Variants in PLA2G4A observed in about 807,000 individuals in gnomAD.
PLA2G4A encodes phospholipase A2 group IVA.
A neutral mutation model predicts 81.9 loss-of-function variants in PLA2G4A; 40 were observed. The observed-to-expected ratio is 0.49, with a 90% CI of 0.38 to 0.64. PLA2G4A has a LOEUF of 0.64. Among genes scored for constraint, PLA2G4A ranks in the 30% least tolerant of loss-of-function variants. The probability of loss-of-function intolerance (pLI) is 0.00; values close to 1 mark genes in which losing one functional copy is unlikely to be tolerated. For synonymous variants in PLA2G4A, 302 were observed against 296.9 expected, an observed-to-expected ratio of 1.02 and a Z score of -0.18; for missense variants, 715 against 905.1, an observed-to-expected ratio of 0.79 and a Z score of 2.69.
intron 2 of PLA2G4A, among the ~76,000 whole-genome samples, chr1:186,869,944 C>T (rs760597336): frequency 6.6e-6 from 1 of 152,182 alleles, no homozygotes; most frequent in South Asian, 2.1e-4. Flanking sequence ...AAATGCATTA[C>T]AATTAGTGCA....
chr1:186,970,216 C>T lies in PLA2G4A; in HGVS notation c.1764+4623C>T, dbSNP rs183161567. Among the ~76,000 whole-genome samples the T allele has an allele frequency of 2.3e-4, 35 of 151,900 alleles. No individual in the cohort carries two copies. The East Asian group carries it at 6.6e-3, about 29-fold the overall frequency. On this transcript the variant is annotated intron_variant, in intron 15 of 17. Coordinates refer to ENST00000367466, the MANE Select transcript of PLA2G4A (RefSeq NM_024420.3). The stretch of plus-strand genomic sequence containing the variant: ...TTGGGCATTTGTATGTCTTCTTTTG[C>T]GAAGTATCTATTCAGATCTTTTGCC...
chr1:186,910,642 C>T (rs1258189893), intron 6 of PLA2G4A, among the ~76,000 whole-genome samples: 4 of 152,066 alleles, frequency 2.6e-5, no homozygotes, highest in South Asian at 4.1e-4. Flanking sequence ...ATTGCTACTG[C>T]CTTCATTAGC....
intron 1 of PLA2G4A, among the ~76,000 whole-genome samples, chr1:186,838,798 T>A (rs1190877635): frequency 6.6e-6 from 1 of 152,166 alleles, no homozygotes; most frequent in Non-Finnish European, 1.5e-5. Context: ...GTTTATAGAC[T>A]TCGAATCATT....
intron 3 of PLA2G4A, among the ~76,000 whole-genome samples, chr1:186,888,302 C>T (rs1654010200): frequency 6.6e-6 from 1 of 151,846 alleles, no homozygotes; most frequent in Non-Finnish European, 1.5e-5. Flanking sequence ...AAAATATGAC[C>T]CATTGAGAAT....
chr1:186,872,129 G>A (rs1653296396), intron 3 of PLA2G4A, among the ~76,000 whole-genome samples: 1 of 152,068 alleles, frequency 6.6e-6, no homozygotes, highest in Non-Finnish European at 1.5e-5. Context: ...AACTAGCTTC[G>A]ATCAGATGTT....
At chr1:186,968,675 T>G (rs1571454633) in intron 15 of PLA2G4A, among the ~76,000 whole-genome samples, 1 of 151,964 alleles carries the variant, frequency 6.6e-6, no homozygotes, top group Admixed American at 6.6e-5. Context: ...ATTGCTATCT[T>G]GCCACCTTTT....
chr1:186,960,847 G>A (rs1004721476), intron 14 of PLA2G4A, among the ~76,000 whole-genome samples: 1 of 152,180 alleles, frequency 6.6e-6, no homozygotes, highest in Non-Finnish European at 1.5e-5. Context: ...ATAGGAAGGA[G>A]AATAGGGAAT....
At chr1:186,829,169 A>G (rs1386936443) in intron 1 of PLA2G4A, 134 bp downstream of exon 1, 1 of 152,256 alleles carries the variant, frequency 6.6e-6, no homozygotes, top group Non-Finnish European at 1.5e-5. Flanking sequence ...TGCTTTAAAA[A>G]GTCAGCATGT....
intron 3 of PLA2G4A, among the ~76,000 whole-genome samples, chr1:186,879,903 A>G (rs891142770): frequency 2.6e-5 from 4 of 151,158 alleles, no homozygotes; most frequent in Admixed American, 1.3e-4. Context: ...GGTTTGTTAC[A>G]TATGTATACA....
chr1:186,949,392 AAG>A (rs747157909), intron 12 of PLA2G4A, among the ~76,000 whole-genome samples: 1 of 24,466 alleles, frequency 4.1e-5, no homozygotes, highest in Non-Finnish European at 6.5e-5. Context: ...AGAAAGAAAA[AAG>A]AAAAAGAAAG....
rs762093350 is a variant in PLA2G4A at position 186,870,744 on chromosome 1, C to T, written c.115+228C>T. 386 of 1,535,208 alleles carry T rather than the reference C, an allele frequency of 2.5e-4. 1 individual carries two copies. The highest frequency in any genetic ancestry group is 3.3e-4 in the Non-Finnish European group (374 of 1,133,578). ...GACAAAGGGGGCCTTTGGTGACATG[C>T]GTAAGAGTGCCCTTATTTTCTTTGC... On this transcript the variant is annotated intron_variant, in intron 3 of 17. Coordinates refer to ENST00000367466, the MANE Select transcript of PLA2G4A (RefSeq NM_024420.3).
chr1:186,903,537 G>C (rs1654623085), intron 5 of PLA2G4A, among the ~76,000 whole-genome samples: 1 of 152,196 alleles, frequency 6.6e-6, no homozygotes, highest in Non-Finnish European at 1.5e-5. Context: ...ATTTACAGTA[G>C]CTCCCCATCA....
chr1:186,857,148 T>TGGC, intron 2 of PLA2G4A, among the ~76,000 whole-genome samples: 1 of 38,808 alleles, frequency 2.6e-5, no homozygotes, highest in Non-Finnish European at 4.1e-5. Context: ...TATAATTATA[T>TGGC]AATTACATAA....
chr1:186,962,665 C>T (rs945374196), intron 14 of PLA2G4A, among the ~76,000 whole-genome samples: 1 of 152,044 alleles, frequency 6.6e-6, no homozygotes, highest in Non-Finnish European at 1.5e-5. Context: ...GGACTACAGG[C>T]GCCCGCCACC....
intron 14 of PLA2G4A, among the ~76,000 whole-genome samples, chr1:186,960,695 C>T (rs550225745): frequency 6.6e-6 from 1 of 152,156 alleles, no homozygotes; most frequent in Non-Finnish European, 1.5e-5. Flanking sequence ...CAGTTGGACC[C>T]TTTACTAGCA....
chr1:186,861,096 C>T (rs1652779967), intron 2 of PLA2G4A, among the ~76,000 whole-genome samples: 1 of 152,126 alleles, frequency 6.6e-6, no homozygotes, highest in African/African-American at 2.4e-5. Flanking sequence ...TTAGAGATAA[C>T]TTATTTGCTT....
At chr1:186,829,337 G>A (rs1185718719) in intron 1 of PLA2G4A, among the ~76,000 whole-genome samples, 3 of 152,180 alleles carry the variant, frequency 2.0e-5, no homozygotes, top group Non-Finnish European at 4.4e-5. Context: ...CGGCGGTGAG[G>A]TGGCGCTTAT....
chr1:186,973,640 G>A lies in PLA2G4A; in HGVS notation c.1765-3953G>A, dbSNP rs554720596. ...CCTTTACGTATTTTGTGAGTTTATG[G>A]TAACATCCCTGTGAATAACTAACCA... On this transcript the variant is annotated intron_variant, in intron 15 of 17. Transcript: ENST00000367466. Among the ~76,000 whole-genome samples, 68 of 152,176 alleles carry A rather than the reference G, an allele frequency of 4.5e-4. No individual in the cohort carries two copies. The South Asian group carries it at 0.014, about 32-fold the overall frequency.
intron 1 of PLA2G4A, among the ~76,000 whole-genome samples, chr1:186,830,405 C>A (rs1352151083): frequency 6.6e-6 from 1 of 151,592 alleles, no homozygotes; most frequent in Non-Finnish European, 1.5e-5. Context: ...GGCAGGAGTT[C>A]GAGACCAGCC....
Sources: allele counts gnomAD v4.1 joint callset (sites outside exome capture counted in the v4.1 genomes callset), GRCh38; gene constraint gnomAD v4.1.1; transcripts MANE v1.5; gene names NCBI Gene and HGNC (gene_info 2026-07-23, HGNC 2026-07-21).